The following KAZN variants were observed in gnomAD, a reference collection of about 807,000 sequenced individuals.
KAZN encodes kazrin.
In KAZN, 40 loss-of-function variants were observed where a neutral mutation model predicts 87.4. The ratio of observed to expected loss-of-function variants is 0.46; its 90% CI spans 0.36 to 0.60. The LOEUF (loss-of-function observed/expected upper bound fraction) is 0.60. Ranked by LOEUF, KAZN falls within the 20% of genes least tolerant of loss-of-function variation. The pLI, the probability that KAZN is intolerant of heterozygous loss-of-function variation, is 0.00. For missense variants in KAZN, 898 were observed against 1,073.9 expected (o/e 0.84, Z 2.29); for synonymous variants, 466 against 458.3 (o/e 1.02, Z -0.22).
At chr1:14,959,158 GAC>G (rs1425885699) in intron 1 of KAZN, among the ~76,000 whole-genome samples, 1 of 152,168 alleles carries the variant, frequency 6.6e-6, no homozygotes, top group Non-Finnish European at 1.5e-5. Flanking sequence ...AGCAGTGATG[GAC>G]ACAGACAGCC....
Position 14,210,330 on chromosome 1 carries a change from T to C in KAZN, c.249+29738T>C, listed in dbSNP as rs1571024346. On this transcript the variant is annotated intron_variant, in intron 2 of 16. Transcript: ENST00000636203. ...CCTCCTTCGCCTTCTGCCATGATTG[T>C]GAGGCTTCCCCAGCCATGTGGAACT... Among the ~76,000 whole-genome samples, 7 of 152,306 alleles carry C rather than the reference T, an allele frequency of 4.6e-5. No individual in the cohort carries two copies. The South Asian group carries it at 1.4e-3, about 32-fold the overall frequency.
chr1:14,617,175 C>A (rs116169614), intron 1 of KAZN, among the ~76,000 whole-genome samples: 1 of 152,126 alleles, frequency 6.6e-6, no homozygotes, highest in East Asian at 1.9e-4. Context: ...CTATGTTATG[C>A]GGCTGTTCTA....
At chr1:14,589,277 C>G (rs1333829606) in intron 2 of KAZN, among the ~76,000 whole-genome samples, 1 of 149,466 alleles carries the variant, frequency 6.7e-6, no homozygotes, top group Non-Finnish European at 1.5e-5. Flanking sequence ...CCTTGGAGTT[C>G]CAAATATGAT....
chr1:14,527,236 T>G (rs1336534207), intron 2 of KAZN, among the ~76,000 whole-genome samples: 2 of 152,178 alleles, frequency 1.3e-5, no homozygotes, highest in African/African-American at 4.8e-5. Flanking sequence ...CAAGAATACC[T>G]GAGGCTGAGT....
intron 10 of KAZN, among the ~76,000 whole-genome samples, chr1:15,100,219 G>T (rs1277828420): frequency 6.6e-6 from 1 of 152,180 alleles, no homozygotes; most frequent in Admixed American, 6.5e-5. Flanking sequence ...TAGGAGGGAA[G>T]AGGAGCCCAT....
chr1:14,905,845 A>T (rs1165823912), intron 1 of KAZN, among the ~76,000 whole-genome samples: 4 of 143,266 alleles, frequency 2.8e-5, no homozygotes, highest in African/African-American at 1.0e-4. Flanking sequence ...TCCGTCTCAA[A>T]AATAATAATA....
chr1:14,851,267 G>A (rs931638543), intron 1 of KAZN, among the ~76,000 whole-genome samples: 2 of 152,124 alleles, frequency 1.3e-5, no homozygotes, highest in Admixed American at 1.3e-4. Context: ...CCTGCCCAGG[G>A]GACCACTGCC....
At chr1:14,950,692 G>GCGGC (rs1382522215) in intron 1 of KAZN, among the ~76,000 whole-genome samples, 2 of 152,110 alleles carry the variant, frequency 1.3e-5, no homozygotes, top group African/African-American at 4.8e-5. Flanking sequence ...GGCTGCTGCG[G>GCGGC]CGGCCCTGGG....
At chr1:14,931,324 G>A (rs1374180643) in intron 1 of KAZN, among the ~76,000 whole-genome samples, 1 of 152,068 alleles carries the variant, frequency 6.6e-6, no homozygotes, top group African/African-American at 2.4e-5. Flanking sequence ...CATGCCTGTA[G>A]TCCCAGCTAC....
intron 1 of KAZN, among the ~76,000 whole-genome samples, chr1:13,984,022 T>G (rs1442170149): frequency 6.6e-6 from 1 of 151,964 alleles, no homozygotes; most frequent in East Asian, 1.9e-4. Context: ...ATTTTCTATT[T>G]TTTTTTTGAG....
At chr1:14,936,857 G>T (rs1660516043) in intron 1 of KAZN, among the ~76,000 whole-genome samples, 1 of 152,206 alleles carries the variant, frequency 6.6e-6, no homozygotes, top group Non-Finnish European at 1.5e-5. Context: ...CACCTGCTCT[G>T]TTCTCGGTTT....
intron 1 of KAZN, among the ~76,000 whole-genome samples, chr1:14,950,914 G>A (rs1662400324): frequency 6.6e-6 from 1 of 152,104 alleles, no homozygotes; most frequent in Non-Finnish European, 1.5e-5. Context: ...TCTTGAGTCT[G>A]GCAGCAGTAC....
chr1:13,910,046 A>G (rs1639592576), intron 1 of KAZN, among the ~76,000 whole-genome samples: 1 of 152,222 alleles, frequency 6.6e-6, no homozygotes, highest in South Asian at 2.1e-4. Flanking sequence ...GGTATGGTTT[A>G]GATCTGTGTC....
chr1:14,518,958 A>G (rs1372107890), intron 2 of KAZN, among the ~76,000 whole-genome samples: 4 of 152,174 alleles, frequency 2.6e-5, no homozygotes, highest in African/African-American at 9.7e-5. Context: ...TGGGGACCCA[A>G]CTTCGGAGAT....
chr1:14,918,731 T>G lies in KAZN; in HGVS notation c.227-41953T>G, dbSNP rs867973361. Among the ~76,000 whole-genome samples the G allele has an allele frequency of 1.9e-5, 2 of 105,562 alleles. 1 individual carries two copies. Among genetic ancestry groups the G allele is most frequent in the Non-Finnish European group, 3.8e-5 (2 of 52,258 alleles). 69.3% of individuals were successfully genotyped at this position (105,562 alleles called of 152,430 possible). A position where few individuals can be genotyped will look rare whatever the true frequency, so the allele number is the denominator to read the frequency against. On this transcript the variant is annotated intron_variant, in intron 1 of 14. Coordinates refer to ENST00000376030, the MANE Select transcript of KAZN (RefSeq NM_201628.3). ...AAATATATATATATATATATATATA[T>G]ATATATATATATATATATCCTGGGA...
chr1:14,045,963 G>A (rs1349608394), intron 1 of KAZN, among the ~76,000 whole-genome samples: 2 of 152,156 alleles, frequency 1.3e-5, no homozygotes, highest in East Asian at 1.9e-4. Context: ...CCAGGAAAAC[G>A]TACAATTGAA....
At chr1:14,978,038 A>G (rs534221517) in intron 2 of KAZN, among the ~76,000 whole-genome samples, 1 of 152,046 alleles carries the variant, frequency 6.6e-6, no homozygotes, top group Admixed American at 6.6e-5. Context: ...GATTACAGGC[A>G]TGTGCCACCA....
At chr1:14,147,563 G>T (rs1188298549) in intron 1 of KAZN, among the ~76,000 whole-genome samples, 2 of 152,152 alleles carry the variant, frequency 1.3e-5, no homozygotes, top group Non-Finnish European at 2.9e-5. Flanking sequence ...GGAGGCCAAG[G>T]CGAGTGGATT....
At chr1:15,001,611 C>T (rs576034527) in intron 2 of KAZN, among the ~76,000 whole-genome samples, 1 of 152,284 alleles carries the variant, frequency 6.6e-6, no homozygotes, top group South Asian at 2.1e-4. Context: ...GCACAGGGCA[C>T]TGCCCCATGA....
Sources: allele counts gnomAD v4.1 joint callset (sites outside exome capture counted in the v4.1 genomes callset), GRCh38; gene constraint gnomAD v4.1.1; transcripts MANE v1.5; gene names NCBI Gene and HGNC (gene_info 2026-07-23, HGNC 2026-07-21).